VWA8: variants seen among roughly 807,000 people sequenced by gnomAD.
VWA8 encodes von Willebrand factor A domain-containing protein 8.
In VWA8, 221 loss-of-function variants were observed where a neutral mutation model predicts 241.5. The ratio of observed to expected loss-of-function variants is 0.91; its 90% CI spans 0.82 to 1.02. The LOEUF is 1.02. VWA8 is among the 50% of genes least tolerant of loss of function. The probability of loss-of-function intolerance (pLI) is 0.00; values close to 1 mark genes in which losing one functional copy is unlikely to be tolerated. For missense variants in VWA8, 2,322 were observed against 2,328.7 expected (o/e 1.00, Z 0.06); for synonymous variants, 852 against 827.1 (o/e 1.03, Z -0.52).
intron 12 of VWA8, among the ~76,000 whole-genome samples, chr13:41,852,340 C>T (rs185038867): frequency 2.8e-4 from 42 of 152,266 alleles, no homozygotes; most frequent in Middle Eastern, 3.4e-3. Context: ...TAGAAATTAA[C>T]TCTTTGTCAG....
intron 25 of VWA8, among the ~76,000 whole-genome samples, chr13:41,720,314 T>C (rs2045378987): frequency 6.6e-6 from 1 of 152,136 alleles, no homozygotes; most frequent in Non-Finnish European, 1.5e-5. Flanking sequence ...GCTTTGATTT[T>C]CTTTAGGTGA....
chr13:41,655,819 A>G (rs1184242977), intron 37 of VWA8, among the ~76,000 whole-genome samples: 3 of 152,382 alleles, frequency 2.0e-5, no homozygotes, highest in Non-Finnish European at 4.4e-5. Context: ...ATACATTTGT[A>G]TAGTCTATCT....
At chr13:41,842,384 C>T (rs976525083) in intron 12 of VWA8, among the ~76,000 whole-genome samples, 4 of 152,182 alleles carry the variant, frequency 2.6e-5, no homozygotes, top group Non-Finnish European at 5.9e-5. Context: ...CTATTTTTAA[C>T]CTGTAGCACA....
chr13:41,926,662 G>A, intron 2 of VWA8: 1 of 542,310 alleles, frequency 1.8e-6, no homozygotes, highest in Non-Finnish European at 3.8e-6. Context: ...TTTCAGGGAT[G>A]GTAAAGCATA....
At chr13:41,815,246 A>G (rs1870638396) in intron 16 of VWA8, among the ~76,000 whole-genome samples, 1 of 152,212 alleles carries the variant, frequency 6.6e-6, no homozygotes, top group African/African-American at 2.4e-5. Flanking sequence ...ATGAGGCCCC[A>G]GAGGGGGATT....
chr13:41,871,525 C>A (rs957525675), intron 9 of VWA8, among the ~76,000 whole-genome samples: 320 of 152,116 alleles, frequency 2.1e-3, no homozygotes, highest in African/African-American at 7.2e-3. Flanking sequence ...CTCATTGTTC[C>A]ATTCCCACCT....
intron 4 of VWA8, among the ~76,000 whole-genome samples, chr13:41,900,553 G>C (rs980395145): frequency 2.0e-5 from 3 of 152,130 alleles, no homozygotes; most frequent in African/African-American, 7.2e-5. Flanking sequence ...CTAAGTCCCT[G>C]TTCTAGATTT....
intron 37 of VWA8, among the ~76,000 whole-genome samples, chr13:41,635,021 TG>T (rs138956792): frequency 0.033 from 5,019 of 152,216 alleles, 277 homozygotes; most frequent in African/African-American, 0.11. Context: ...TTGGCCAAAA[TG>T]ACTTATCTTC....
intron 42 of VWA8, 35 bp downstream of exon 42, chr13:41,587,477 T>C (rs565145340): frequency 1.2e-6 from 2 of 1,613,050 alleles, no homozygotes; most frequent in Non-Finnish European, 1.7e-6. Flanking sequence ...TCATGGTCAA[T>C]GATGCCTCTC....
chr13:41,893,876 T>C (rs1161154194), intron 4 of VWA8, among the ~76,000 whole-genome samples: 1 of 152,148 alleles, frequency 6.6e-6, no homozygotes, highest in African/African-American at 2.4e-5. Context: ...AGAGCAAGAA[T>C]ACAAACTACT....
chr13:41,936,902 G>T (rs968239064), intron 2 of VWA8, among the ~76,000 whole-genome samples: 5 of 152,102 alleles, frequency 3.3e-5, no homozygotes, highest in African/African-American at 1.2e-4. Context: ...GGCAATGATG[G>T]ATTGCATATT....
intron 21 of VWA8, among the ~76,000 whole-genome samples, chr13:41,748,158 A>G (rs1343836939): frequency 6.6e-6 from 1 of 152,160 alleles, no homozygotes; most frequent in Non-Finnish European, 1.5e-5. Flanking sequence ...GATTGGAATC[A>G]TTTCAGAAGG....
chr13:41,850,216 G>C lies in VWA8; in HGVS notation c.1425+15520C>G, dbSNP rs375599982. ...TACACATGCCCAAAGGCCTCCTAGT[G>C]TGTCTTTATAAATCTAATAAATACC... On this transcript the variant is annotated intron_variant, in intron 12 of 44. Coordinates refer to ENST00000379310, the MANE Select transcript of VWA8 (RefSeq NM_015058.2). Among the ~76,000 whole-genome samples the C allele has an allele frequency of 1.1e-4, 16 of 152,312 alleles. No individual in the cohort carries two copies. In the East Asian group the frequency reaches 1.3e-3, roughly 13 times the overall value.
intron 12 of VWA8, among the ~76,000 whole-genome samples, chr13:41,853,610 T>A (rs1373042376): frequency 6.6e-6 from 1 of 152,142 alleles, no homozygotes. Context: ...TCTTGGTAGG[T>A]TACATATTTC....
intron 9 of VWA8, among the ~76,000 whole-genome samples, chr13:41,878,220 AT>A (rs1414177541): frequency 1.3e-5 from 2 of 152,046 alleles, no homozygotes; most frequent in Non-Finnish European, 1.5e-5. Context: ...TTAAGTAAAC[AT>A]TTTTTTCCAA....
intron 14 of VWA8, among the ~76,000 whole-genome samples, chr13:41,820,422 C>T (rs1870901874): frequency 6.6e-6 from 1 of 152,076 alleles, no homozygotes; most frequent in African/African-American, 2.4e-5. Context: ...GAGTTAAGAC[C>T]AAGTGCCATC....
intron 21 of VWA8, among the ~76,000 whole-genome samples, chr13:41,736,544 A>G (rs1262809403): frequency 6.6e-6 from 1 of 152,198 alleles, no homozygotes; most frequent in Non-Finnish European, 1.5e-5. Flanking sequence ...GGAGCAGAAG[A>G]TCTCAAAATA....
intron 26 of VWA8, among the ~76,000 whole-genome samples, chr13:41,711,877 C>CA (rs369141075): frequency 0.048 from 6,297 of 131,212 alleles, 346 homozygotes; most frequent in African/African-American, 0.15. Context: ...CTGTCTCAAA[C>CA]AAAAAAAAAA....
Position 41,758,369 on chromosome 13 carries a change from CATATATAT to C in VWA8, c.2426+2751_2426+2758del, listed in dbSNP as rs374621428. ...TTTTTCCCATTGCTATAGATACTAG[CATATATAT>C]ATATATATATATATACGCTAGTATA... On this transcript the variant is annotated intron_variant, in intron 21 of 44. Coordinates refer to ENST00000379310, the MANE Select transcript of VWA8 (RefSeq NM_015058.2). Among the ~76,000 whole-genome samples the C allele has an allele frequency of 9.6e-3, 695 of 72,516 alleles. 44 individuals are homozygous for C. The highest frequency in any genetic ancestry group is 0.017 in the East Asian group (42 of 2,512). The allele number at this position is 72,516 out of a possible 152,430, so 47.6% of individuals were successfully genotyped here. A position where few individuals can be genotyped will look rare whatever the true frequency, so the allele number is the denominator to read the frequency against.
Sources: allele counts gnomAD v4.1 joint callset (sites outside exome capture counted in the v4.1 genomes callset), GRCh38; gene constraint gnomAD v4.1.1; transcripts MANE v1.5; gene names NCBI Gene and HGNC (gene_info 2026-07-23, HGNC 2026-07-21).